KIAA1549: variants seen among roughly 807,000 people sequenced by gnomAD.
The protein encoded by KIAA1549 is KIAA1549.
KIAA1549 carries 70 observed loss-of-function variants against 156.4 expected under a neutral mutation model. The observed-to-expected ratio is 0.45, with a 90% CI of 0.37 to 0.55. The LOEUF is 0.55. KIAA1549 is among the 20% of genes least tolerant of loss of function. The pLI is 0.00. For missense variants in KIAA1549, 2,428 were observed against 2,540.9 expected (o/e 0.96, Z 0.96); for synonymous variants, 1,103 against 1,066.4 (o/e 1.03, Z -0.67).
intron 14 of KIAA1549, 82 bp from the exon 15 acceptor site, chr7:138,868,210 A>G: frequency 7.4e-7 from 1 of 1,349,294 alleles, no homozygotes; most frequent in Non-Finnish European, 1.0e-6. Context: ...AAGTACCCTG[A>G]GTACCTAGGA....
At position 138,861,249 on chromosome 7, in the gene KIAA1549, C is replaced by T. The variant is rs191771685; in HGVS notation, c.5137G>A (p.Gly1713Arg). Residue 1713 changes from glycine (G) to arginine (R), a missense_variant, in exon 16 of 20, where the codon GGA becomes AGA. Coordinates refer to ENST00000422774, the MANE Select transcript of KIAA1549 (RefSeq NM_001164665.2). Reference sequence around the variant, plus strand: ...TTTGCGGGCAGGCCGGGTGGGACTCCGGGGCCTACACCTGCGGTGCTGGCA... The same window carrying T: ...TTTGCGGGCAGGCCGGGTGGGACTCTGGGGCCTACACCTGCGGTGCTGGCA... Reference protein sequence around the residue: ...QPASTAGVGPGVPPGLPANST... With the variant: ...QPASTAGVGPRVPPGLPANST... The T allele has an allele frequency of 6.0e-5, 96 of 1,611,712 alleles. No individual in the cohort carries two copies. Among genetic ancestry groups the T allele is most frequent in the Admixed American group, 3.5e-4 (21 of 59,390 alleles).
chr7:138,895,272 G>A (rs1410064677), intron 9 of KIAA1549, among the ~76,000 whole-genome samples: 1 of 152,198 alleles, frequency 6.6e-6, no homozygotes, highest in African/African-American at 2.4e-5. Flanking sequence ...TACGACATGT[G>A]CACCAGTGCA....
chr7:138,935,452 A>G (rs1379605095), intron 1 of KIAA1549, among the ~76,000 whole-genome samples: 1 of 152,054 alleles, frequency 6.6e-6, no homozygotes, highest in Non-Finnish European at 1.5e-5. Context: ...AAAACAAACT[A>G]AACTACTCAA....
Position 138,917,855 on chromosome 7 carries a change from G to A in KIAA1549, c.1771C>T (p.Pro591Ser). The change falls in exon 2 of 20, where the codon CCT becomes TCT. Residue 591 changes from proline to serine, a missense_variant. Transcript: ENST00000422774. ...TCCACTGAAGGAACCAGACTATAAG[G>A]CGTAAAAACACTCGGGTCTCTGACG... ...LAVRDPSVFTPYSLVPSVESS... is the reference protein window; with the variant it reads ...LAVRDPSVFTSYSLVPSVESS... The A allele has an allele frequency of 6.2e-7, 1 of 1,604,190 alleles. No homozygotes were observed. The highest frequency in any genetic ancestry group is 1.1e-5 in the South Asian group (1 of 88,808).
chr7:138,963,616 A>G (rs1813919409), intron 1 of KIAA1549, among the ~76,000 whole-genome samples: 1 of 152,224 alleles, frequency 6.6e-6, no homozygotes, highest in African/African-American at 2.4e-5. Context: ...TGTTTTATGA[A>G]GAACCAAAAA....
chr7:138,869,777 GGA>G lies in KIAA1549; in HGVS notation c.4552-18_4552-17del, dbSNP rs773732286. ...CGGTCTGAATCTGAGGAAGGGTGAG[GGA>G]GAGAAAGACAGCCATAGAGGTCCCG... On this transcript the variant is annotated splice_polypyrimidine_tract_variant and intron_variant, in intron 13 of 19. Transcript: ENST00000422774. 6.3e-7 allele frequency: 1 copy of G among 1,597,494 alleles called. No individual in the cohort carries two copies. Among genetic ancestry groups the G allele is most frequent in the Non-Finnish European group, 8.5e-7 (1 of 1,172,198 alleles).
intron 16 of KIAA1549, among the ~76,000 whole-genome samples, chr7:138,860,077 G>A (rs928476303): frequency 3.9e-5 from 6 of 152,228 alleles, no homozygotes; most frequent in African/African-American, 9.6e-5. Flanking sequence ...AAAGTGACCC[G>A]ATGGCAGCTG....
chr7:138,921,438 T>G (rs1403125624), intron 1 of KIAA1549, among the ~76,000 whole-genome samples: 1 of 152,134 alleles, frequency 6.6e-6, no homozygotes, highest in African/African-American at 2.4e-5. Context: ...CTCCCAATAT[T>G]CCTATGTTGA....
chr7:138,880,557 A>G (rs1811212299), intron 11 of KIAA1549, among the ~76,000 whole-genome samples: 1 of 152,224 alleles, frequency 6.6e-6, no homozygotes, highest in Non-Finnish European at 1.5e-5. Flanking sequence ...TGATATGATC[A>G]CACACTTTTT....
At position 138,840,278 on chromosome 7, in the gene KIAA1549, C is replaced by A. The variant is rs1330543198; in HGVS notation, c.5453G>T (p.Gly1818Val). 6.2e-7 allele frequency: 1 copy of A among 1,600,450 alleles called. No individual in the cohort carries two copies. Among genetic ancestry groups the A allele is most frequent in the East Asian group, 2.2e-5 (1 of 44,488 alleles). ...CTGTGTCAGGTGCTGGATCTGGGAG[C>A]CTGGAAGGAACATGGTGGAGTGGCC... ...ARPRPVGGTT[G>V]SQIQHLTQVG... Residue 1818 changes from glycine to valine, a missense_variant and splice_region_variant, in exon 19 of 20, where the codon GGC becomes GTC. Physicochemically the swap from Gly to Val is moderately radical, Grantham distance 109. Transcript: ENST00000422774.
At chr7:138,869,782 GAA>G (rs771265287) in intron 13 of KIAA1549, 21 bp from the exon 14 acceptor site, 1 of 1,586,220 alleles carries the variant, frequency 6.3e-7, no homozygotes, top group Admixed American at 1.7e-5. Context: ...GTGAGGGAGA[GAA>G]AGACAGCCAT....
At chr7:138,895,181 G>A (rs1176655875) in intron 9 of KIAA1549, among the ~76,000 whole-genome samples, 1 of 152,210 alleles carries the variant, frequency 6.6e-6, no homozygotes, top group East Asian at 1.9e-4. Flanking sequence ...TGGGGGAAAG[G>A]AGAAATGATC....
chr7:138,857,204 C>G (rs1480579066), intron 16 of KIAA1549, among the ~76,000 whole-genome samples: 1 of 152,174 alleles, frequency 6.6e-6, no homozygotes, highest in Non-Finnish European at 1.5e-5. Context: ...CCCTCACTCT[C>G]TCCATACAAA....
chr7:138,868,671 G>GCTGGC (rs1810826486), intron 14 of KIAA1549, among the ~76,000 whole-genome samples: 1 of 152,190 alleles, frequency 6.6e-6, no homozygotes, highest in South Asian at 2.1e-4. Flanking sequence ...CTGACCTCGT[G>GCTGGC]ATCCGCCTGC....
chr7:138,916,983 C>T lies in KIAA1549; in HGVS notation c.2643G>A (p.Thr881=), dbSNP rs754161697. 1.4e-5 allele frequency: 22 copies of T among 1,599,716 alleles called. No homozygotes were observed. Among genetic ancestry groups the T allele is most frequent in the Non-Finnish European group, 1.5e-5 (18 of 1,172,804 alleles). Residue 881 remains threonine (T), a synonymous_variant, in exon 2 of 20, where the codon ACG becomes ACA. Transcript: ENST00000422774. ...CACCGGTGCTGGTTGTGCTCACTTCCGTGGAGGTGTTCAGTGGCACCTCTG... is the reference window on the plus strand; with the variant it reads ...CACCGGTGCTGGTTGTGCTCACTTCTGTGGAGGTGTTCAGTGGCACCTCTG... ...TPTEVPLNTS[T]EVSTTSTGAA...
Position 138,870,004 on chromosome 7 carries a change from C to T in KIAA1549, c.4552-243G>A, listed in dbSNP as rs192599870. Among the ~76,000 whole-genome samples, 403 of 152,208 alleles carry T rather than the reference C, an allele frequency of 2.6e-3. 1 individual carries two copies. Among genetic ancestry groups the T allele is most frequent in the Admixed American group, 5.0e-3 (76 of 15,298 alleles). Reference sequence around the variant, plus strand: ...AGCTGGGATTACAGACACGCACCATCATGCCCAGTTCATTTTTTGTACTTT... The same window carrying T: ...AGCTGGGATTACAGACACGCACCATTATGCCCAGTTCATTTTTTGTACTTT... On this transcript the variant is annotated intron_variant, in intron 13 of 19. Transcript: ENST00000422774.
intron 1 of KIAA1549, among the ~76,000 whole-genome samples, chr7:138,958,882 G>T (rs1813752464): frequency 1.3e-5 from 2 of 150,172 alleles, no homozygotes; most frequent in Non-Finnish European, 3.0e-5. Flanking sequence ...TAGCCCAAAG[G>T]TTTTTTTTTT....
chr7:138,912,593 G>T, intron 2 of KIAA1549, 133 bp from the exon 3 acceptor site: 1 of 697,924 alleles, frequency 1.4e-6, no homozygotes, highest in Non-Finnish European at 2.5e-6. Flanking sequence ...ATAAAGGCCA[G>T]ACCAAGACAG....
intron 12 of KIAA1549, among the ~76,000 whole-genome samples, chr7:138,875,151 G>T (rs1811044362): frequency 6.6e-6 from 1 of 152,164 alleles, no homozygotes; most frequent in East Asian, 1.9e-4. Flanking sequence ...AACTTTGTCT[G>T]TGGTGACAGA....
Sources: allele counts gnomAD v4.1 joint callset (sites outside exome capture counted in the v4.1 genomes callset), GRCh38; gene constraint gnomAD v4.1.1; transcripts MANE v1.5; gene names NCBI Gene and HGNC (gene_info 2026-07-23, HGNC 2026-07-21).